The following WNT8B variants were observed in gnomAD, a reference collection of about 807,000 sequenced individuals.
WNT8B encodes protein Wnt-8b.
In WNT8B, 24 loss-of-function variants were observed where a neutral mutation model predicts 36.6. The observed-to-expected ratio is 0.66, with a 90% CI of 0.48 to 0.92. The LOEUF is 0.92. WNT8B is among the 40% of genes least tolerant of loss of function. The pLI is 0.00. For synonymous variants in WNT8B, 199 were observed against 189.8 expected, an observed-to-expected ratio of 1.05 and a Z score of -0.40; for missense variants, 402 against 470.8, an observed-to-expected ratio of 0.85 and a Z score of 1.35.
rs768548384 is a variant in WNT8B at position 100,481,915 on chromosome 10, G to T, written c.371G>T (p.Gly124Val). ...TCCTCCCTCTGCACTTTTCCAGGGGGACAAGGCTGGCTGTGGGGAGGCTGC... is the reference window on the plus strand; with the variant it reads ...TCCTCCCTCTGCACTTTTCCAGGGGTACAAGGCTGGCTGTGGGGAGGCTGC... ...CDDSRNGQLG[G>V]QGWLWGGCSD... Residue 124 changes from glycine (G) to valine (V), a missense_variant, in exon 5 of 6, where the codon GGA becomes GTA. Around this residue, in one of 3 missense-constraint regions of WNT8B, gnomAD observed 131 missense variants for 152.6 expected, o/e 0.86. Coordinates refer to ENST00000343737, the MANE Select transcript of WNT8B (RefSeq NM_003393.4). 47 of 1,613,994 alleles carry T rather than the reference G, an allele frequency of 2.9e-5. 1 individual carries two copies. The South Asian group carries it at 4.6e-4, about 16-fold the overall frequency.
intron 1 of WNT8B, among the ~76,000 whole-genome samples, chr10:100,478,426 G>A (rs1366942156): frequency 6.6e-6 from 1 of 152,144 alleles, no homozygotes; most frequent in East Asian, 1.9e-4. Flanking sequence ...ATAGTCAGGA[G>A]TTAATGCTAG....
intron 1 of WNT8B, among the ~76,000 whole-genome samples, chr10:100,465,213 A>C (rs1054681475): frequency 6.6e-6 from 1 of 152,336 alleles, no homozygotes; most frequent in East Asian, 1.9e-4. Flanking sequence ...TAGGTAAATC[A>C]GTACAAGATG....
In WNT8B at chr10:100,482,998, T is replaced by C; in HGVS notation, c.*182T>C. On this transcript the variant is annotated 3_prime_UTR_variant, in exon 6 of 6. Coordinates refer to ENST00000343737, the MANE Select transcript of WNT8B (RefSeq NM_003393.4). The surrounding 1 kb of genome is among the most constrained non-coding windows in gnomAD (Gnocchi z 6.6). ...CTGTTTCCCCAATTCCTCTGTGCTC[T>C]CCTAGAGCTCTGTCTGAATCCTCGC... 1.5e-6 allele frequency: 1 copy of C among 656,262 alleles called. No individual in the cohort carries two copies. The highest frequency in any genetic ancestry group is 2.4e-6 in the Non-Finnish European group (1 of 415,856). The allele number at this position is 656,262 out of a possible 1,614,324, so 40.7% of individuals were successfully genotyped here.
At chr10:100,476,453 T>C (rs1434289012) in intron 1 of WNT8B, among the ~76,000 whole-genome samples, 2 of 152,172 alleles carry the variant, frequency 1.3e-5, no homozygotes, top group Admixed American at 6.5e-5. Context: ...ACATTTTTGG[T>C]GTTGTATGTG....
At position 100,479,993 on chromosome 10, in the gene WNT8B, C is replaced by A. The variant is rs1851089698; in HGVS notation, c.222C>A (p.Ser74Arg). Residue 74 changes from serine to arginine, a missense_variant, in exon 3 of 6, where the codon AGC (serine) becomes AGA (arginine). Transcript: ENST00000343737. ...CTGAGAGAGCCCTGCAGCTGTCCAG[C>A]CATGGTGGGCTTCGCAGTGGTAAGA... ...NCPERALQLSSHGGLRSANRE... is the reference protein window; with the variant it reads ...NCPERALQLSRHGGLRSANRE... 6.2e-7 allele frequency: 1 copy of A among 1,613,504 alleles called. No individual in the cohort carries two copies. The highest frequency in any genetic ancestry group is 1.3e-5 in the African/African-American group (1 of 74,900).
rs907903017 is a variant in WNT8B, at chr10:100,481,190, G to A, written c.367+67G>A. 44 of 1,586,444 alleles carry A rather than the reference G, an allele frequency of 2.8e-5. 1 individual carries two copies. The highest frequency in any genetic ancestry group is 3.7e-5 in the Non-Finnish European group (43 of 1,165,336). On this transcript the variant is annotated intron_variant, in intron 4 of 5. Coordinates refer to ENST00000343737, the MANE Select transcript of WNT8B (RefSeq NM_003393.4). ...GCACATAAAGAATGAAAAGCCTGGT[G>A]GGGGTGAAGAAGAGCTGTATTCTTC...
At position 100,482,601 on chromosome 10, in the gene WNT8B, C is replaced by T; in HGVS notation, c.841C>T (p.Arg281Cys). Residue 281 changes from arginine to cysteine, a missense_variant, in exon 6 of 6, where the codon CGC (arginine) becomes TGC (cysteine). Arg to Cys is a radical substitution (Grantham distance 180). Transcript: ENST00000343737. This position sits in a 1 kb window ranked among gnomAD's most constrained non-coding sequence, Gnocchi z 6.6. Reference sequence around the variant, plus strand: ...CCTAAGGCGCGGGCGGGCCCTGGGTCGCTGGGAACGCCGCAGCTGCCGCCG... The same window carrying T: ...CCTAAGGCGCGGGCGGGCCCTGGGTTGCTGGGAACGCCGCAGCTGCCGCCG... The part of the protein sequence containing the change: ...ECLRRGRALG[R>C]WERRSCRRLC... 1.3e-6 allele frequency: 2 copies of T among 1,598,158 alleles called. No homozygotes were observed. Among genetic ancestry groups the T allele is most frequent in the Non-Finnish European group, 1.7e-6 (2 of 1,177,130 alleles).
chr10:100,480,916 G>A (rs529781900), intron 3 of WNT8B, 82 bp from the exon 4 acceptor site: 3 of 1,476,592 alleles, frequency 2.0e-6, no homozygotes, highest in East Asian at 4.6e-5. Flanking sequence ...TATAATGATG[G>A]TTATTAAAGA....
intron 4 of WNT8B, 23 bp from the exon 5 acceptor site, chr10:100,481,888 TG>T (rs1368390535): frequency 4.0e-6 from 6 of 1,518,854 alleles, no homozygotes; most frequent in Non-Finnish European, 4.5e-6. Flanking sequence ...CTCAATGACC[TG>T]TCCTCCCTCT....
rs1851134258 is a variant in WNT8B at position 100,482,669 on chromosome 10, C to G, written c.909C>G (p.Ala303=). 1 of 1,608,622 alleles carries G rather than the reference C, an allele frequency of 6.2e-7. No homozygotes were observed. Among genetic ancestry groups the G allele is most frequent in the Non-Finnish European group, 8.5e-7 (1 of 1,179,078 alleles). ...GGCTGGCGGTGGAGGAGCGCCGGGC[C>G]GAGACCGTGTCCAGCTGCAACTGCA... ...DCGLAVEERR[A]ETVSSCNCKF... The change falls in exon 6 of 6, where the codon GCC becomes GCG. Residue 303 remains alanine, a synonymous_variant. Transcript: ENST00000343737. The surrounding 1 kb of genome is among the most constrained non-coding windows in gnomAD (Gnocchi z 6.6).
intron 1 of WNT8B, among the ~76,000 whole-genome samples, chr10:100,476,624 A>G (rs945115363): frequency 3.3e-5 from 5 of 152,174 alleles, no homozygotes; most frequent in African/African-American, 1.2e-4. Flanking sequence ...TTCCCGTATT[A>G]CTTTCTCACA....
Position 100,481,902 on chromosome 10 carries a change from A to T in WNT8B, c.368-10A>T. On this transcript the variant is annotated splice_polypyrimidine_tract_variant and intron_variant, in intron 4 of 5. Transcript: ENST00000343737. ...GCTCAATGACCTGTCCTCCCTCTGC[A>T]CTTTTCCAGGGGGACAAGGCTGGCT... is the stretch of plus-strand genomic sequence containing the variant. The T allele has an allele frequency of 6.2e-7, 1 of 1,613,738 alleles. No homozygotes were observed.
At position 100,482,900 on chromosome 10, in the gene WNT8B, A is replaced by G; in HGVS notation, c.*84A>G. 2.2e-6 allele frequency: 3 copies of G among 1,383,564 alleles called. No homozygotes were observed. The highest frequency in any genetic ancestry group is 2.9e-6 in the Non-Finnish European group (3 of 1,048,628). 85.7% of individuals were successfully genotyped at this position (1,383,564 alleles called of 1,614,324 possible). ...TAATTGTGGAACCTAGGGAATGGGG[A>G]ACCCGCTCTCCCAGACCTAGGGATC... On this transcript the variant is annotated 3_prime_UTR_variant, in exon 6 of 6. Transcript: ENST00000343737. This position sits in a 1 kb window ranked among gnomAD's most constrained non-coding sequence, Gnocchi z 6.6.
At chr10:100,473,895 T>TA (rs1851005430) in intron 1 of WNT8B, among the ~76,000 whole-genome samples, 1 of 152,026 alleles carries the variant, frequency 6.6e-6, no homozygotes, top group South Asian at 2.1e-4. Flanking sequence ...CACTGCACTC[T>TA]AGCCTGTGCA....
At chr10:100,481,538 T>C (rs111998049) in intron 4 of WNT8B, among the ~76,000 whole-genome samples, 1 of 152,202 alleles carries the variant, frequency 6.6e-6, no homozygotes, top group Non-Finnish European at 1.5e-5. Flanking sequence ...TCCCCCTCAA[T>C]GCTCGAGCTT....
intron 1 of WNT8B, among the ~76,000 whole-genome samples, chr10:100,468,944 T>C (rs1850941402): frequency 6.6e-6 from 1 of 152,248 alleles, no homozygotes; most frequent in African/African-American, 2.4e-5. Context: ...CTGTTTAACT[T>C]TAAAAAATTT....
At chr10:100,481,215 C>G in intron 4 of WNT8B, 92 bp downstream of exon 4, 1 of 1,495,004 alleles carries the variant, frequency 6.7e-7, no homozygotes, top group Non-Finnish European at 9.0e-7. Flanking sequence ...CTGTATTCTT[C>G]TAAATATGAA....
At chr10:100,474,894 A>G (rs1851020059) in intron 1 of WNT8B, among the ~76,000 whole-genome samples, 1 of 151,602 alleles carries the variant, frequency 6.6e-6, no homozygotes, top group Admixed American at 6.6e-5. Context: ...TATTTTGGAT[A>G]TGAACAAGCT....
intron 1 of WNT8B, among the ~76,000 whole-genome samples, chr10:100,473,777 T>A (rs530312057): frequency 6.6e-6 from 1 of 152,112 alleles, no homozygotes; most frequent in South Asian, 2.1e-4. Context: ...AATACAAACA[T>A]TAGCTGGACA....
Sources: allele counts gnomAD v4.1 joint callset (sites outside exome capture counted in the v4.1 genomes callset), GRCh38; gene constraint gnomAD v4.1.1; regional missense constraint gnomAD v4.1.1; non-coding constraint Gnocchi (gnomAD v3.1); transcripts MANE v1.5; gene names NCBI Gene and HGNC (gene_info 2026-07-23, HGNC 2026-07-21).